The following ANTXRL variants were observed in gnomAD, a reference collection of about 807,000 sequenced individuals.
ANTXRL encodes the protein anthrax toxin receptor-like.
Under a neutral mutation model 75.4 loss-of-function variants are expected in ANTXRL, and 63 were observed. The observed-to-expected ratio is 0.84, with a 90% CI of 0.68 to 1.03. The LOEUF (loss-of-function observed/expected upper bound fraction) is 1.03. Ranked by LOEUF, ANTXRL falls within the 50% of genes least tolerant of loss-of-function variation. The pLI is 0.00. For synonymous variants in ANTXRL, 335 were observed against 291.3 expected (o/e 1.15, Z -1.53); for missense variants, 797 against 789.4 (o/e 1.01, Z -0.12).
intron 15 of ANTXRL, among the ~76,000 whole-genome samples, chr10:46,312,007 G>A (rs1169455012): frequency 6.8e-6 from 1 of 146,296 alleles, no homozygotes; most frequent in Admixed American, 6.9e-5. Context: ...GTGGCCCCTG[G>A]CTTTAGACCA....
At chr10:46,309,055 G>A (rs1588841950) in intron 12 of ANTXRL, 58 bp from the exon 13 acceptor site, 1 of 1,534,286 alleles carries the variant, frequency 6.5e-7, no homozygotes, top group East Asian at 2.4e-5. Flanking sequence ...GCCACCAAGT[G>A]GTGGGCACGG....
At chr10:46,292,410 G>A (rs1837031334) in intron 2 of ANTXRL, among the ~76,000 whole-genome samples, 1 of 152,148 alleles carries the variant, frequency 6.6e-6, no homozygotes, top group Non-Finnish European at 1.5e-5. Flanking sequence ...AATAGGCAGG[G>A]AAACCAGTGA....
Position 46,306,796 on chromosome 10 carries a change from C to A in ANTXRL, c.896-7C>A. The A allele has an allele frequency of 6.6e-7, 1 of 1,524,304 alleles. No homozygotes were observed. Among genetic ancestry groups the A allele is most frequent in the Non-Finnish European group, 8.8e-7 (1 of 1,141,580 alleles). The allele number at this position is 1,524,304 out of a possible 1,614,324, so 94.4% of individuals were successfully genotyped here. On this transcript the variant is annotated splice_polypyrimidine_tract_variant and splice_region_variant and intron_variant, in intron 10 of 16. Transcript: ENST00000620264. Reference sequence around the variant, plus strand: ...ACTGACATTCTTCTCATGTCATTTTCTTTTAGATGAAAAGCCAACCAGTAT... The same window carrying A: ...ACTGACATTCTTCTCATGTCATTTTATTTTAGATGAAAAGCCAACCAGTAT...
intron 11 of ANTXRL, 135 bp from the exon 12 acceptor site, chr10:46,307,267 A>G: frequency 1.4e-6 from 1 of 705,534 alleles, no homozygotes; most frequent in South Asian, 1.7e-5. Context: ...TGTCTGACCC[A>G]CTTACCCTTT....
At chr10:46,325,410 T>C (rs74587586) in intron 16 of ANTXRL, among the ~76,000 whole-genome samples, 2 of 152,292 alleles carry the variant, frequency 1.3e-5, no homozygotes, top group East Asian at 1.9e-4. Context: ...TTGGCCCCTG[T>C]AACTGGTGTA....
At chr10:46,287,587 A>G in intron 1 of ANTXRL, 77 bp downstream of exon 1, 10 of 1,455,524 alleles carry the variant, frequency 6.9e-6, no homozygotes, top group Non-Finnish European at 8.1e-6. Flanking sequence ...ACAGGACACC[A>G]CTCAAGGAGA....
intron 16 of ANTXRL, among the ~76,000 whole-genome samples, chr10:46,317,194 C>G (rs1441190892): frequency 6.6e-6 from 1 of 152,126 alleles, no homozygotes; most frequent in Non-Finnish European, 1.5e-5. Context: ...GCCTTCATGA[C>G]TAGATATATG....
At position 46,293,901 on chromosome 10, in the gene ANTXRL, G is replaced by A. The variant is rs782579387; in HGVS notation, c.392+1G>A. 11 of 1,535,466 alleles carry A rather than the reference G, an allele frequency of 7.2e-6. No homozygotes were observed. The highest frequency in any genetic ancestry group is 8.7e-6 in the Non-Finnish European group (10 of 1,146,560). ...CTGTCTTGCCACTCACCTCAGACAA[G>A]TGAGTGCTGCTTTGAGCCCCAAAGG... On this transcript the variant is annotated splice_donor_variant, in intron 3 of 16. Transcript: ENST00000620264. LOFTEE classifies it high-confidence loss of function.
chr10:46,317,925 A>G, intron 16 of ANTXRL, among the ~76,000 whole-genome samples: 1 of 151,954 alleles, frequency 6.6e-6, no homozygotes, highest in East Asian at 1.9e-4. Flanking sequence ...GAGGAAGGAG[A>G]CCCTCTCAAA....
chr10:46,329,485 C>A, intron 16 of ANTXRL, 114 bp from the exon 17 acceptor site: 1 of 1,364,744 alleles, frequency 7.3e-7, no homozygotes, highest in Admixed American at 2.6e-5. Context: ...GCAAGGCCCA[C>A]CCTGTGGGTC....
intron 9 of ANTXRL, among the ~76,000 whole-genome samples, 161 bp from the exon 10 acceptor site, chr10:46,302,561 T>G (rs1394582772): frequency 3.9e-5 from 6 of 152,100 alleles, no homozygotes; most frequent in African/African-American, 7.2e-5. Context: ...AGATGAAGAT[T>G]TGACCTAGTG....
At chr10:46,307,127 G>C (rs1838142886) in intron 11 of ANTXRL, among the ~76,000 whole-genome samples, 1 of 152,118 alleles carries the variant, frequency 6.6e-6, no homozygotes, top group African/African-American at 2.4e-5. Flanking sequence ...CTTTGCTCCA[G>C]GTTGCCTCTC....
At chr10:46,291,968 A>C in intron 1 of ANTXRL, 90 bp from the exon 2 acceptor site, 1 of 1,246,216 alleles carries the variant, frequency 8.0e-7, no homozygotes. Flanking sequence ...GAGCTTGTTA[A>C]GAGCCTGCTG....
chr10:46,308,914 C>G (rs532417702), intron 12 of ANTXRL, among the ~76,000 whole-genome samples, 199 bp from the exon 13 acceptor site: 24 of 152,268 alleles, frequency 1.6e-4, no homozygotes, highest in Non-Finnish European at 3.1e-4. Flanking sequence ...CTTGGCAGGG[C>G]TCTGGGGCAG....
Position 46,307,568 on chromosome 10 carries a change from C to A in ANTXRL, c.1044+88C>A, listed in dbSNP as rs1367256609. 8.8e-6 allele frequency: 11 copies of A among 1,250,930 alleles called. No homozygotes were observed. The East Asian group carries it at 1.0e-4, about 12-fold the overall frequency. The allele number at this position is 1,250,930 out of a possible 1,614,324, so 77.5% of individuals were successfully genotyped here. On this transcript the variant is annotated intron_variant, in intron 12 of 16. Coordinates refer to ENST00000620264, the MANE Select transcript of ANTXRL (RefSeq NM_001278688.3). The stretch of plus-strand genomic sequence containing the variant: ...GAGCACAGAAAAGGCAGACCGTTCC[C>A]AGGCAGTCCCAGAAAGTAGCGTGTG...
rs1171834268 is a variant in ANTXRL, at chr10:46,296,227, A to G, written c.483A>G (p.Gln161=). 6.5e-6 allele frequency: 10 copies of G among 1,535,722 alleles called. No individual in the cohort carries two copies. The highest frequency in any genetic ancestry group is 1.4e-5 in the African/African-American group (1 of 72,980). The change falls in exon 5 of 17, where the codon CAA becomes CAG. Residue 161 remains glutamine, a synonymous_variant. Transcript: ENST00000620264. The part of the protein sequence containing the change: ...FMQAGFRKAI[Q]QIESFNSGNK... ...TCTTCATTTTCTTGCAGGCAATTCA[A>G]CAGATCGAAAGTTTCAACTCCGGAA...
intron 1 of ANTXRL, among the ~76,000 whole-genome samples, chr10:46,289,807 C>CT (rs1836909153): frequency 6.6e-6 from 1 of 152,118 alleles, no homozygotes. Context: ...TCCCCAAGCC[C>CT]TAGTGACCTT....
intron 16 of ANTXRL, among the ~76,000 whole-genome samples, chr10:46,321,147 T>G (rs2132891283): frequency 6.6e-6 from 1 of 152,268 alleles, no homozygotes; most frequent in South Asian, 2.1e-4. Context: ...ATGGAATTGT[T>G]TCTTCATTTT....
chr10:46,305,640 G>A (rs1490181290), intron 10 of ANTXRL, among the ~76,000 whole-genome samples: 2 of 152,098 alleles, frequency 1.3e-5, no homozygotes, highest in African/African-American at 4.8e-5. Flanking sequence ...CAGGGCCCAC[G>A]CCCTCTCCCG....
Sources: allele counts gnomAD v4.1 joint callset (sites outside exome capture counted in the v4.1 genomes callset), GRCh38; gene constraint gnomAD v4.1.1; transcripts MANE v1.5; gene names NCBI Gene and HGNC (gene_info 2026-07-23, HGNC 2026-07-21).